Variants in DLG2 observed in about 807,000 individuals in gnomAD.
The protein encoded by DLG2 is disks large homolog 2.
A neutral mutation model predicts 132.5 loss-of-function variants in DLG2; 45 were observed. The observed-to-expected ratio is 0.34, with a 90% CI of 0.27 to 0.44. The LOEUF (loss-of-function observed/expected upper bound fraction) is 0.44. Ranked by LOEUF, DLG2 falls within the 20% of genes least tolerant of loss-of-function variation. The probability of loss-of-function intolerance (pLI) is 1.00; values close to 1 mark genes in which losing one functional copy is unlikely to be tolerated. For missense variants in DLG2, 1,045 were observed against 1,196.9 expected, an observed-to-expected ratio of 0.87 and a Z score of 1.87; for synonymous variants, 424 against 419.6, an observed-to-expected ratio of 1.01 and a Z score of -0.13.
intron 6 of DLG2, among the ~76,000 whole-genome samples, chr11:84,770,270 T>C (rs973901961): frequency 2.6e-5 from 4 of 152,206 alleles, no homozygotes; most frequent in African/African-American, 7.2e-5. Flanking sequence ...ATGCTTCCTA[T>C]ACATCCTGCA....
In DLG2 at chr11:84,591,256, T is replaced by TGC. The variant is rs1555073727; in HGVS notation, c.358-56527_358-56526dup. Among the ~76,000 whole-genome samples, 214 of 150,320 alleles carry TGC rather than the reference T, an allele frequency of 1.4e-3. 1 individual carries two copies. The highest frequency in any genetic ancestry group is 5.1e-3 in the African/African-American group (205 of 40,364). ...GTGTGTGTGTGTGTGTGTGTGTGTG[T>TGC]GCGCGTCTTTCTCCACTACATAATA... On this transcript the variant is annotated intron_variant, in intron 6 of 27. Transcript: ENST00000376104.
chr11:85,265,318 A>G (rs561970731), intron 4 of DLG2, among the ~76,000 whole-genome samples: 2 of 152,328 alleles, frequency 1.3e-5, no homozygotes, highest in Admixed American at 1.3e-4. Context: ...AAACAATTAG[A>G]TGCTTTACAT....
At chr11:84,442,483 A>C (rs1194385509) in intron 7 of DLG2, among the ~76,000 whole-genome samples, 1 of 152,100 alleles carries the variant, frequency 6.6e-6, no homozygotes, top group Non-Finnish European at 1.5e-5. Context: ...AACAATGAGA[A>C]CACATGGACC....
At chr11:84,099,427 A>G (rs1178366250) in intron 9 of DLG2, among the ~76,000 whole-genome samples, 2 of 152,046 alleles carry the variant, frequency 1.3e-5, no homozygotes, top group Admixed American at 6.6e-5. Context: ...AGTTACATGA[A>G]AGAATTTGAT....
intron 6 of DLG2, among the ~76,000 whole-genome samples, chr11:84,873,233 A>T (rs775595354): frequency 6.6e-6 from 1 of 152,156 alleles, no homozygotes. Context: ...AGAAAAGAAG[A>T]TGTGATGACA....
At chr11:84,510,113 T>TTATTAC (rs147722765) in intron 7 of DLG2, among the ~76,000 whole-genome samples, 4 of 150,108 alleles carry the variant, frequency 2.7e-5, no homozygotes, top group African/African-American at 9.7e-5. Flanking sequence ...ATTATTATTA[T>TTATTAC]TATTATTATT....
chr11:84,131,278 A>G (rs2094411156), intron 9 of DLG2, among the ~76,000 whole-genome samples: 2 of 152,014 alleles, frequency 1.3e-5, no homozygotes, highest in South Asian at 4.1e-4. Flanking sequence ...GAGTCAGCTT[A>G]GATTATTGAC....
At chr11:84,008,849 T>TTGTC (rs2094716487) in intron 11 of DLG2, among the ~76,000 whole-genome samples, 1 of 151,638 alleles carries the variant, frequency 6.6e-6, no homozygotes, top group Admixed American at 6.6e-5. Context: ...GATGACCCAG[T>TTGTC]TGTCATTAGG....
At chr11:83,845,256 A>G (rs1222545767) in intron 16 of DLG2, among the ~76,000 whole-genome samples, 1 of 152,192 alleles carries the variant, frequency 6.6e-6, no homozygotes, top group Non-Finnish European at 1.5e-5. Context: ...TAGGAGATCA[A>G]AAAGATCTTT....
intron 18 of DLG2, among the ~76,000 whole-genome samples, chr11:83,660,918 C>A (rs970081434): frequency 6.6e-6 from 1 of 152,016 alleles, no homozygotes; most frequent in Non-Finnish European, 1.5e-5. Flanking sequence ...TAATAATATC[C>A]ACAACCCTAT....
chr11:83,490,732 A>G (rs1213182291), intron 21 of DLG2, among the ~76,000 whole-genome samples: 2 of 151,976 alleles, frequency 1.3e-5, no homozygotes, highest in Non-Finnish European at 2.9e-5. Context: ...ACACAACATC[A>G]CTTCTGTAGT....
intron 6 of DLG2, among the ~76,000 whole-genome samples, chr11:84,704,533 G>A (rs537373627): frequency 6.6e-6 from 1 of 151,480 alleles, no homozygotes; most frequent in South Asian, 2.1e-4. Flanking sequence ...CACCTACTAT[G>A]TGTGAGGTAT....
chr11:84,889,432 G>A lies in DLG2; in HGVS notation c.357+222229C>T, dbSNP rs150726357. ...CAAGATATGGGTGTTCCAAGATAGA[G>A]TGGGAAGCTTTAGCGGTGGTATTTG... is the stretch of plus-strand genomic sequence containing the variant. On this transcript the variant is annotated intron_variant, in intron 6 of 27. Coordinates refer to ENST00000376104, the MANE Select transcript of DLG2 (RefSeq NM_001142699.3). Among the ~76,000 whole-genome samples the A allele has an allele frequency of 1.7e-3, 256 of 152,232 alleles. 4 individuals are homozygous for A. In the East Asian group the frequency reaches 0.045, roughly 27 times the overall value.
rs1428031350 is a variant in DLG2 at position 85,509,129 on chromosome 11, G to C, written c.40+89528C>G. 5.9e-5 allele frequency among the ~76,000 whole-genome samples: 9 copies of C among 152,014 alleles called. 1 individual carries two copies. The highest frequency in any genetic ancestry group is 1.2e-4 in the African/African-American group (5 of 41,424). On this transcript the variant is annotated intron_variant, in intron 3 of 27. Coordinates refer to ENST00000376104, the MANE Select transcript of DLG2 (RefSeq NM_001142699.3). The stretch of plus-strand genomic sequence containing the variant: ...TTTCACTTACACAGAAAATTTCGCA[G>C]TGAGTTTTAGGACTTACAGAAGTAA...
chr11:84,389,526 A>G (rs2098784480), intron 7 of DLG2, among the ~76,000 whole-genome samples: 1 of 152,180 alleles, frequency 6.6e-6, no homozygotes, highest in African/African-American at 2.4e-5. Context: ...TTACACTGGA[A>G]TAAAATTGAA....
intron 3 of DLG2, among the ~76,000 whole-genome samples, chr11:85,380,320 A>G (rs1394995841): frequency 6.6e-6 from 1 of 152,204 alleles, no homozygotes; most frequent in Non-Finnish European, 1.5e-5. Context: ...ATTTTATTTC[A>G]TTAAGGTAAA....
chr11:85,331,732 T>A (rs1596306183), intron 3 of DLG2, among the ~76,000 whole-genome samples: 2 of 152,332 alleles, frequency 1.3e-5, no homozygotes, highest in Middle Eastern at 6.8e-3. Context: ...TAGTTTTCTA[T>A]TTCTGTGTTA....
intron 11 of DLG2, among the ~76,000 whole-genome samples, 153 bp from the exon 12 acceptor site, chr11:83,980,795 GTTAT>G (rs1555224173): frequency 5.9e-5 from 9 of 152,094 alleles, no homozygotes; most frequent in South Asian, 4.1e-4. Context: ...TTTCAATCTC[GTTAT>G]TTAAATATTT....
At chr11:83,536,312 C>A (rs1409322753) in intron 20 of DLG2, among the ~76,000 whole-genome samples, 1 of 152,126 alleles carries the variant, frequency 6.6e-6, no homozygotes, top group Non-Finnish European at 1.5e-5. Flanking sequence ...TTAGTTAAAT[C>A]CCTATTTGAG....
Sources: gnomAD v4.1 joint callset for allele counts (sites outside exome capture counted in the v4.1 genomes callset) on GRCh38, gnomAD v4.1.1 for gene constraint, MANE v1.5 for transcripts, NCBI Gene and HGNC (gene_info 2026-07-23, HGNC 2026-07-21) for gene names.